The following DCC variants were observed in gnomAD, a reference collection of about 807,000 sequenced individuals.
The protein encoded by DCC is netrin receptor DCC.
A neutral mutation model predicts 172.5 loss-of-function variants in DCC; 58 were observed. The observed-to-expected ratio is 0.34, with a 90% CI of 0.27 to 0.42. The LOEUF (loss-of-function observed/expected upper bound fraction) is 0.42. Among genes scored for constraint, DCC ranks in the 10% least tolerant of loss-of-function variants. The probability of loss-of-function intolerance (pLI) is 1.00; values close to 1 mark genes in which losing one functional copy is unlikely to be tolerated. For missense variants in DCC, 1,740 were observed against 1,791.0 expected (o/e 0.97, Z 0.51); for synonymous variants, 709 against 644.5 (o/e 1.10, Z -1.52).
intron 2 of DCC, among the ~76,000 whole-genome samples, chr18:52,842,577 A>G (rs2038824630): frequency 6.6e-6 from 1 of 152,122 alleles, no homozygotes; most frequent in South Asian, 2.1e-4. Flanking sequence ...CCTCATAGAC[A>G]CCCTGAAATA....
intron 28 of DCC, among the ~76,000 whole-genome samples, chr18:53,528,323 T>G (rs761170943): frequency 1.3e-5 from 2 of 152,164 alleles, no homozygotes; most frequent in African/African-American, 4.8e-5. Flanking sequence ...TGTTATCTAC[T>G]TAACATGCTT....
intron 17 of DCC, among the ~76,000 whole-genome samples, chr18:53,396,328 A>G (rs535000710): frequency 2.6e-4 from 39 of 152,224 alleles, no homozygotes; most frequent in Non-Finnish European, 4.9e-4. Flanking sequence ...TATGGAAAAT[A>G]TACTTTAATG....
intron 2 of DCC, among the ~76,000 whole-genome samples, chr18:52,820,172 T>C (rs1344540882): frequency 6.6e-6 from 1 of 152,148 alleles, no homozygotes; most frequent in East Asian, 1.9e-4. Context: ...ATGAATTTAA[T>C]ATATGGGAAG....
chr18:52,432,661 G>A (rs954392809), intron 1 of DCC, among the ~76,000 whole-genome samples: 1 of 152,220 alleles, frequency 6.6e-6, no homozygotes, highest in African/African-American at 2.4e-5. Flanking sequence ...AGGAGAATTG[G>A]CTGCGGATAA....
chr18:53,286,587 C>G (rs1183822423), intron 12 of DCC, among the ~76,000 whole-genome samples: 1 of 152,158 alleles, frequency 6.6e-6, no homozygotes, highest in Non-Finnish European at 1.5e-5. Flanking sequence ...CTAATTGTGC[C>G]TGGCTTTCTA....
chr18:52,342,107 C>A (rs945679340), intron 1 of DCC, among the ~76,000 whole-genome samples: 2 of 152,150 alleles, frequency 1.3e-5, no homozygotes, highest in Non-Finnish European at 2.9e-5. Context: ...GCAGAAAATG[C>A]GCCTCTCACT....
chr18:52,825,682 G>T (rs2038497270), intron 2 of DCC, among the ~76,000 whole-genome samples: 2 of 129,200 alleles, frequency 1.5e-5, no homozygotes, highest in Non-Finnish European at 3.3e-5. Context: ...AATTGTTTTG[G>T]TTTGTTTTAA....
chr18:53,157,465 G>A lies in DCC; in HGVS notation c.1371G>A (p.Gly457=). ...GGCGCCCACCTGCAGAAGCGAAAGG[G>A]AACATTCAAACTTTCACGGTCTTTT... ...LSWRPPAEAK[G]NIQTFTVFFS... The change falls in exon 8 of 29, where the codon GGG becomes GGA. Residue 457 remains glycine, a synonymous_variant. Transcript: ENST00000442544. 6 of 1,614,114 alleles carry A rather than the reference G, an allele frequency of 3.7e-6. No homozygotes were observed. The highest frequency in any genetic ancestry group is 5.1e-6 in the Non-Finnish European group (6 of 1,179,994).
chr18:53,377,208 T>C (rs1360668421), intron 15 of DCC, among the ~76,000 whole-genome samples: 2 of 152,208 alleles, frequency 1.3e-5, no homozygotes, highest in African/African-American at 2.4e-5. Flanking sequence ...TATCTGAGAC[T>C]GGGTAATTTA....
At chr18:53,158,861 C>T (rs577919422) in intron 8 of DCC, among the ~76,000 whole-genome samples, 15 of 151,580 alleles carry the variant, frequency 9.9e-5, no homozygotes, top group African/African-American at 1.9e-4. Flanking sequence ...GGCATGGTGG[C>T]GCGCACCTGT....
chr18:53,412,205 A>C (rs1415617370), intron 20 of DCC, among the ~76,000 whole-genome samples: 1 of 152,204 alleles, frequency 6.6e-6, no homozygotes, highest in Non-Finnish European at 1.5e-5. Flanking sequence ...TAATGGTTCA[A>C]AGAGTTATTT....
intron 21 of DCC, among the ~76,000 whole-genome samples, chr18:53,418,961 C>G (rs528950561): frequency 2.8e-4 from 43 of 151,956 alleles, no homozygotes; most frequent in Non-Finnish European, 5.3e-4. Context: ...TTGCATCACC[C>G]TATCTCTTGC....
intron 3 of DCC, among the ~76,000 whole-genome samples, chr18:52,910,970 C>A (rs987091981): frequency 8.5e-5 from 13 of 152,112 alleles, no homozygotes; most frequent in African/African-American, 2.9e-4. Flanking sequence ...AAAATCCTGT[C>A]TTCAGTTTTA....
intron 1 of DCC, among the ~76,000 whole-genome samples, chr18:52,433,902 A>T (rs1248760305): frequency 6.6e-6 from 1 of 152,208 alleles, no homozygotes; most frequent in African/African-American, 2.4e-5. Flanking sequence ...TCCCTGTGAT[A>T]TAGACCATAA....
At chr18:52,777,333 C>G (rs537561981) in intron 2 of DCC, among the ~76,000 whole-genome samples, 1 of 152,170 alleles carries the variant, frequency 6.6e-6, no homozygotes, top group African/African-American at 2.4e-5. Flanking sequence ...TCAGGCCTTG[C>G]CTTCTCAGGC....
chr18:52,878,985 T>A (rs186807019), intron 2 of DCC, among the ~76,000 whole-genome samples: 1 of 152,274 alleles, frequency 6.6e-6, no homozygotes, highest in Admixed American at 6.5e-5. Context: ...CACAGAAGGC[T>A]TAGAGAGAAA....
At chr18:52,734,774 C>T (rs8090854) in intron 1 of DCC, among the ~76,000 whole-genome samples, 40,260 of 151,946 alleles carry the variant, frequency 0.26, 5,486 homozygotes, top group Admixed American at 0.33. Flanking sequence ...ATGTTCAATA[C>T]TTAAAAAAAG....
chr18:53,428,950 T>G (rs1270374068), intron 21 of DCC, among the ~76,000 whole-genome samples: 3 of 62,370 alleles, frequency 4.8e-5, no homozygotes, highest in African/African-American at 1.6e-4. Flanking sequence ...AAATTATATA[T>G]AACATATTAT....
intron 12 of DCC, among the ~76,000 whole-genome samples, chr18:53,231,202 A>T (rs1194164618): frequency 6.6e-6 from 1 of 152,056 alleles, no homozygotes; most frequent in Non-Finnish European, 1.5e-5. Flanking sequence ...ATGGGAAGTG[A>T]TGCTTTTTAG....
Sources: gnomAD v4.1 joint callset for allele counts (sites outside exome capture counted in the v4.1 genomes callset) on GRCh38, gnomAD v4.1.1 for gene constraint, MANE v1.5 for transcripts, NCBI Gene and HGNC (gene_info 2026-07-23, HGNC 2026-07-21) for gene names.